Variants in ARL6IP6 observed in about 807,000 individuals in gnomAD.
ARL6IP6 encodes ARF like GTPase 6 interacting protein 6.
Under a neutral mutation model 21.5 loss-of-function variants are expected in ARL6IP6, and 22 were observed. The observed-to-expected ratio is 1.02, with a 90% confidence interval of 0.73 to 1.46. The LOEUF (loss-of-function observed/expected upper bound fraction) is 1.46. ARL6IP6 is among the 40% of genes most tolerant of loss of function. The pLI is 0.00. For synonymous variants in ARL6IP6, 164 were observed against 125.3 expected (o/e 1.31, Z -2.06); for missense variants, 388 against 299.8 (o/e 1.29, Z -2.17).
chr2:152,726,573 T>C (rs1457275386), intron 2 of ARL6IP6, among the ~76,000 whole-genome samples: 1 of 152,248 alleles, frequency 6.6e-6, no homozygotes, highest in Admixed American at 6.5e-5. Context: ...TCTAATAAAG[T>C]TGAGAACATT....
In ARL6IP6 at chr2:152,760,122, T is replaced by C. The variant is rs888189470; in HGVS notation, c.*282T>C. Reference sequence around the variant, plus strand: ...TTTTACTTTTGTGTGTGTAGTTCTTTCAAGTTGTAGGAAACATTTTAATGG... The same window carrying C: ...TTTTACTTTTGTGTGTGTAGTTCTTCCAAGTTGTAGGAAACATTTTAATGG... On this transcript the variant is annotated 3_prime_UTR_variant, in exon 4 of 4. Coordinates refer to ENST00000326446, the MANE Select transcript of ARL6IP6 (RefSeq NM_152522.7). 1 of 240,842 alleles carries C rather than the reference T, an allele frequency of 4.2e-6. No individual in the cohort carries two copies. The highest frequency in any genetic ancestry group is 8.1e-6 in the Non-Finnish European group (1 of 124,190). 14.9% of individuals were successfully genotyped at this position (240,842 alleles called of 1,614,324 possible).
chr2:152,718,794 C>T lies in ARL6IP6; in HGVS notation c.170C>T (p.Ala57Val). The T allele has an allele frequency of 6.2e-7, 1 of 1,605,952 alleles. No individual in the cohort carries two copies. The highest frequency in any genetic ancestry group is 8.5e-7 in the Non-Finnish European group (1 of 1,176,142). Residue 57 changes from alanine (A) to valine (V), a missense_variant, in exon 1 of 4, where the codon GCG becomes GTG. Physicochemically the swap from Ala to Val is moderately conservative, Grantham distance 64 (BLOSUM62 0). Transcript: ENST00000326446. ...GACCAAGTGGCCCGCGACCTGCGGG[C>T]GGAGTTCTCGGCTGGGGCGTGGTCA... ...GCDQVARDLR[A>V]EFSAGAWSEP...
chr2:152,747,913 C>A (rs935194545), intron 3 of ARL6IP6, among the ~76,000 whole-genome samples: 1 of 151,964 alleles, frequency 6.6e-6, no homozygotes, highest in African/African-American at 2.4e-5. Context: ...TATGCTCAGG[C>A]TGGTCTGGAA....
rs756814018 is a variant in ARL6IP6 at position 152,735,113 on chromosome 2, C to A, written c.574C>A (p.Pro192Thr). 3.4e-5 allele frequency: 55 copies of A among 1,613,700 alleles called. No homozygotes were observed. The highest frequency in any genetic ancestry group is 4.7e-5 in the Non-Finnish European group (55 of 1,179,764). Residue 192 changes from proline (P) to threonine (T), a missense_variant, in exon 3 of 4, where the codon CCT (proline) becomes ACT (threonine). Pro to Thr is a conservative substitution (Grantham distance 38, BLOSUM62 -1). Coordinates refer to ENST00000326446, the MANE Select transcript of ARL6IP6 (RefSeq NM_152522.7). Reference protein sequence around the residue: ...PGMFPPTPLSPARFKKLTGHS... With the variant: ...PGMFPPTPLSTARFKKLTGHS... The stretch of plus-strand genomic sequence containing the variant: ...AATGTTTCCTCCTACTCCTCTTTCA[C>A]CTGCCAGGTTCAAGTAAGTATTCCT...
rs1432425802 is a variant in ARL6IP6, at chr2:152,762,014, A to G, written c.*2174A>G. Reference sequence around the variant, plus strand: ...TGTTACTCCCCTTTTTTGGGAAATGACCCTCCTCTCTCCAGTCTGACACAG... The same window carrying G: ...TGTTACTCCCCTTTTTTGGGAAATGGCCCTCCTCTCTCCAGTCTGACACAG... On this transcript the variant is annotated 3_prime_UTR_variant, in exon 4 of 4. Transcript: ENST00000326446. 2.0e-5 allele frequency among the ~76,000 whole-genome samples: 3 copies of G among 151,950 alleles called. No individual in the cohort carries two copies. Among genetic ancestry groups the G allele is most frequent in the Non-Finnish European group, 4.4e-5 (3 of 67,984 alleles).
intron 3 of ARL6IP6, among the ~76,000 whole-genome samples, chr2:152,739,911 A>G (rs1444843449): frequency 6.6e-6 from 1 of 152,200 alleles, no homozygotes; most frequent in African/African-American, 2.4e-5. Context: ...ACTGCCCTTT[A>G]TAAAACCATC....
chr2:152,759,308 G>A (rs895562777), intron 3 of ARL6IP6, among the ~76,000 whole-genome samples: 5 of 133,092 alleles, frequency 3.8e-5, no homozygotes, highest in Admixed American at 2.2e-4. Context: ...TAAAAGTGGT[G>A]CAAACAGAAC....
At position 152,746,821 on chromosome 2, in the gene ARL6IP6, C is replaced by CTTTTTTTTTTTT. The variant is rs61506535; in HGVS notation, c.587+11708_587+11719dup. Among the ~76,000 whole-genome samples the CTTTTTTTTTTTT allele has an allele frequency of 4.7e-3, 156 of 33,050 alleles. 10 individuals are homozygous for CTTTTTTTTTTTT. Among genetic ancestry groups the CTTTTTTTTTTTT allele is most frequent in the Non-Finnish European group, 7.1e-3 (131 of 18,352 alleles). The allele number at this position is 33,050 out of a possible 152,430, so 21.7% of individuals were successfully genotyped here. ...TATTTATCCTGAGATTTTATCCTTT[C>CTTTTTTTTTTTT]TTTTTTTTTTTTTTTTTTTTTTTTG... On this transcript the variant is annotated intron_variant, in intron 3 of 3. Transcript: ENST00000326446.
At chr2:152,736,432 G>A (rs1700554526) in intron 3 of ARL6IP6, among the ~76,000 whole-genome samples, 1 of 152,176 alleles carries the variant, frequency 6.6e-6, no homozygotes, top group Non-Finnish European at 1.5e-5. Context: ...TTAAAACTCT[G>A]TCTTTGCTTT....
At chr2:152,720,208 C>A in intron 1 of ARL6IP6, 1 of 362,226 alleles carries the variant, frequency 2.8e-6, no homozygotes, top group Non-Finnish European at 5.2e-6. Context: ...AATTCCATTG[C>A]AGAAGACATT....
chr2:152,718,052 G>C, upstream of ARL6IP6: 4 of 994,966 alleles, frequency 4.0e-6, no homozygotes, highest in Non-Finnish European at 4.8e-6. Context: ...GGAAGTTGTA[G>C]TACGGGTGGG....
chr2:152,733,627 T>C (rs1362933388), intron 2 of ARL6IP6, among the ~76,000 whole-genome samples: 1 of 152,208 alleles, frequency 6.6e-6, no homozygotes, highest in Non-Finnish European at 1.5e-5. Flanking sequence ...TATTTCAATA[T>C]TTGGTTGGAC....
At chr2:152,752,630 T>C (rs1701392625) in intron 3 of ARL6IP6, among the ~76,000 whole-genome samples, 1 of 152,188 alleles carries the variant, frequency 6.6e-6, no homozygotes, top group Non-Finnish European at 1.5e-5. Flanking sequence ...TAAGTACTCC[T>C]TTTGAGGTCC....
chr2:152,747,893 T>C (rs1701132187), intron 3 of ARL6IP6, among the ~76,000 whole-genome samples: 2 of 152,054 alleles, frequency 1.3e-5, no homozygotes, highest in Admixed American at 6.5e-5. Context: ...GTAGAAACAA[T>C]GTCTCCCTAT....
Position 152,762,171 on chromosome 2 carries a change from G to T in ARL6IP6, c.*2331G>T, listed in dbSNP as rs1020557036. ...TAGAGAAATGACTTCAGTGAAGTAT[G>T]TCTCTTCCCAGGATTTTTCAGCTTG... On this transcript the variant is annotated 3_prime_UTR_variant, in exon 4 of 4. Coordinates refer to ENST00000326446, the MANE Select transcript of ARL6IP6 (RefSeq NM_152522.7). 1.3e-5 allele frequency among the ~76,000 whole-genome samples: 2 copies of T among 152,160 alleles called. No individual in the cohort carries two copies. The highest frequency in any genetic ancestry group is 1.3e-4 in the Admixed American group (2 of 15,274).
intron 3 of ARL6IP6, among the ~76,000 whole-genome samples, chr2:152,740,723 A>G (rs1406282791): frequency 6.6e-6 from 1 of 151,746 alleles, no homozygotes; most frequent in Non-Finnish European, 1.5e-5. Context: ...GCTTGAGCCC[A>G]GGAGTTTATT....
upstream of ARL6IP6, chr2:152,718,447 C>T (rs1478711544): frequency 1.6e-5 from 13 of 834,474 alleles, no homozygotes; most frequent in East Asian, 1.3e-4. Context: ...CGCATTCCGC[C>T]TCTCCTTTGG....
chr2:152,717,669 G>A (rs773625697), upstream of ARL6IP6: 11 of 1,417,760 alleles, frequency 7.8e-6, no homozygotes, highest in Non-Finnish European at 1.0e-5. Context: ...AAGTTTCTGC[G>A]CCGAGTCCTC....
intron 2 of ARL6IP6, among the ~76,000 whole-genome samples, chr2:152,733,713 A>G (rs757521971): frequency 4.6e-5 from 7 of 152,152 alleles, no homozygotes; most frequent in Non-Finnish European, 7.4e-5. Context: ...ATATGCTTAC[A>G]TTTTCCATCT....
Sources: gnomAD v4.1 joint callset for allele counts (sites outside exome capture counted in the v4.1 genomes callset) on GRCh38, gnomAD v4.1.1 for gene constraint, MANE v1.5 for transcripts, NCBI Gene and HGNC (gene_info 2026-07-23, HGNC 2026-07-21) for gene names.